Variants in AP4S1 observed in about 807,000 individuals in gnomAD.
The protein encoded by AP4S1 is AP-4 complex subunit sigma-1.
AP4S1 carries 23 observed loss-of-function variants against 19.8 expected under a neutral mutation model. The ratio of observed to expected loss-of-function variants is 1.16; its 90% CI spans 0.84 to 1.65. The LOEUF is 1.65. AP4S1 is among the 40% of genes most tolerant of loss of function. The pLI is 0.00. For missense variants in AP4S1, 166 were observed against 172.8 expected, an observed-to-expected ratio of 0.96 and a Z score of 0.22; for synonymous variants, 46 against 54.1, an observed-to-expected ratio of 0.85 and a Z score of 0.66.
intron 1 of AP4S1, among the ~76,000 whole-genome samples, chr14:31,058,222 G>A (rs977437693): frequency 2.0e-5 from 3 of 151,910 alleles, no homozygotes; most frequent in African/African-American, 2.4e-5. Context: ...GAACCACCTC[G>A]CCTGGCCCCG....
intron 5 of AP4S1, among the ~76,000 whole-genome samples, chr14:31,088,936 T>C (rs1247588776): frequency 6.6e-6 from 1 of 151,126 alleles, no homozygotes; most frequent in Admixed American, 6.6e-5. Flanking sequence ...AAAGGCAAAG[T>C]GCCGCACTTC....
chr14:31,081,480 T>C (rs1227802568), intron 5 of AP4S1, among the ~76,000 whole-genome samples: 1 of 152,222 alleles, frequency 6.6e-6, no homozygotes, highest in East Asian at 1.9e-4. Flanking sequence ...TTGCTTAGAA[T>C]ACTGCAGGCC....
chr14:31,026,366 T>A, intron 1 of AP4S1: 1 of 234,116 alleles, frequency 4.3e-6, no homozygotes, highest in Non-Finnish European at 6.5e-6. Context: ...GCCATTACAA[T>A]CCCTCCTCCA....
At chr14:31,045,352 A>T (rs909672129) in intron 1 of AP4S1, among the ~76,000 whole-genome samples, 42 of 152,176 alleles carry the variant, frequency 2.8e-4, no homozygotes, top group Non-Finnish European at 3.2e-4. Context: ...TAATCCCCAT[A>T]CGTCAAGGGA....
intron 1 of AP4S1, among the ~76,000 whole-genome samples, chr14:31,032,082 A>G (rs893429700): frequency 2.5e-4 from 38 of 151,800 alleles, no homozygotes; most frequent in African/African-American, 8.4e-4. Context: ...AAAAAAAAAA[A>G]AAAAAAAAAG....
chr14:31,041,075 CA>C (rs201251571), intron 1 of AP4S1, among the ~76,000 whole-genome samples: 7,809 of 126,048 alleles, frequency 0.062, 256 homozygotes, highest in African/African-American at 0.1. Context: ...GACTCCATCT[CA>C]AAAAAAAAAA....
rs556431963 is a variant in AP4S1 at position 31,079,870 on chromosome 14, T to C, written c.295-703T>C. 9.6e-5 allele frequency among the ~76,000 whole-genome samples: 13 copies of C among 134,958 alleles called. No individual in the cohort carries two copies. In the South Asian group the frequency reaches 3.0e-3, roughly 31 times the overall value. The allele number at this position is 134,958 out of a possible 152,430, so 88.5% of individuals were successfully genotyped here. On this transcript the variant is annotated intron_variant, in intron 4 of 5. Transcript: ENST00000542754. ...AATAAATAAAATAGATTTTTTTAAG[T>C]GAGAAGAAGATCATCAGTAAGCCCA...
intron 1 of AP4S1, among the ~76,000 whole-genome samples, chr14:31,056,463 A>G (rs1170647351): frequency 6.6e-6 from 1 of 151,678 alleles, no homozygotes; most frequent in Non-Finnish European, 1.5e-5. Flanking sequence ...GGTTCGGGCG[A>G]TTCTCCTGCC....
intron 1 of AP4S1, among the ~76,000 whole-genome samples, chr14:31,033,504 G>A (rs573556152): frequency 1.1e-4 from 16 of 151,656 alleles, no homozygotes; most frequent in African/African-American, 3.4e-4. Context: ...GAGCCACTCC[G>A]CCCGCCACAG....
intron 1 of AP4S1, among the ~76,000 whole-genome samples, chr14:31,036,146 C>A (rs1884760556): frequency 6.6e-6 from 1 of 151,076 alleles, no homozygotes; most frequent in African/African-American, 2.4e-5. Flanking sequence ...AAAAAATAAT[C>A]TAATATATTG....
At chr14:31,090,282 G>A (rs114776869) in intron 5 of AP4S1, among the ~76,000 whole-genome samples, 24 of 152,238 alleles carry the variant, frequency 1.6e-4, no homozygotes, top group African/African-American at 3.4e-4. Context: ...CACCGTGCCC[G>A]GCCTCATTTC....
At chr14:31,074,090 G>A (rs1265784921) in intron 4 of AP4S1, among the ~76,000 whole-genome samples, 2 of 151,340 alleles carry the variant, frequency 1.3e-5, no homozygotes, top group African/African-American at 4.9e-5. Flanking sequence ...ACTTTGGGAG[G>A]CCGAGGTGGG....
At chr14:31,085,591 T>G in intron 5 of AP4S1, 1 of 891,374 alleles carries the variant, frequency 1.1e-6, no homozygotes, top group Non-Finnish European at 1.3e-6. Flanking sequence ...CTGGGCAACA[T>G]AGGGAGACCC....
intron 5 of AP4S1, among the ~76,000 whole-genome samples, chr14:31,090,176 G>C (rs758186028): frequency 1.3e-4 from 20 of 152,012 alleles, no homozygotes; most frequent in Non-Finnish European, 2.5e-4. Flanking sequence ...AGCTGAGACA[G>C]GGTTTCACCA....
At chr14:31,056,207 T>C (rs1198230236) in intron 1 of AP4S1, among the ~76,000 whole-genome samples, 1 of 152,070 alleles carries the variant, frequency 6.6e-6, no homozygotes. Flanking sequence ...AGACGAGGTC[T>C]TGCTCTGTTG....
intron 1 of AP4S1, among the ~76,000 whole-genome samples, chr14:31,038,973 T>C (rs1443070567): frequency 6.8e-6 from 1 of 146,810 alleles, no homozygotes; most frequent in Non-Finnish European, 1.5e-5. Context: ...CATTTGTTTT[T>C]GTTTTTTTAA....
chr14:31,049,431 ATATAT>A (rs1566520589), intron 1 of AP4S1, among the ~76,000 whole-genome samples: 188 of 44,074 alleles, frequency 4.3e-3, no homozygotes, highest in South Asian at 0.021. Context: ...AAAAAAAAAT[ATATAT>A]ATATATATAT....
intron 5 of AP4S1, among the ~76,000 whole-genome samples, chr14:31,084,583 T>G (rs1887827262): frequency 6.6e-6 from 1 of 152,200 alleles, no homozygotes; most frequent in South Asian, 2.1e-4. Flanking sequence ...AGCACGTCAG[T>G]GACCTAAATC....
intron 4 of AP4S1, among the ~76,000 whole-genome samples, chr14:31,074,812 T>A (rs1033917189): frequency 1.5e-4 from 18 of 123,822 alleles, no homozygotes; most frequent in African/African-American, 5.0e-4. Context: ...CCCATTAGCA[T>A]TTCCCCCTCA....
Sources: allele counts gnomAD v4.1 joint callset (sites outside exome capture counted in the v4.1 genomes callset), GRCh38; gene constraint gnomAD v4.1.1; transcripts MANE v1.5; gene names NCBI Gene and HGNC (gene_info 2026-07-23, HGNC 2026-07-21).